Variants in ZNF496 observed in about 807,000 individuals in gnomAD.
ZNF496 encodes the protein zinc finger protein 496, also known as NSD1 (nuclear receptor binding SET-domain containing 1)-interacting zinc finger protein 1.
Under a neutral mutation model 58.9 loss-of-function variants are expected in ZNF496, and 11 were observed. The observed-to-expected ratio is 0.19, with a 90% CI of 0.12 to 0.31. The LOEUF is 0.31. Ranked by LOEUF, ZNF496 falls within the 10% of genes least tolerant of loss-of-function variation. The pLI is 1.00. For synonymous variants in ZNF496, 338 were observed against 318.2 expected (o/e 1.06, Z -0.66); for missense variants, 660 against 783.0 (o/e 0.84, Z 1.88).
Position 247,317,560 on chromosome 1 carries a change from C to CT in ZNF496, c.651+5593dup, listed in dbSNP as rs1386513399. Among the ~76,000 whole-genome samples the CT allele has an allele frequency of 2.4e-4, 34 of 140,044 alleles. 1 individual carries two copies. Among genetic ancestry groups the CT allele is most frequent in the Non-Finnish European group, 3.2e-5 (2 of 62,664 alleles). The allele number at this position is 140,044 out of a possible 152,430, so 91.9% of individuals were successfully genotyped here. On this transcript the variant is annotated intron_variant, in intron 6 of 9. Transcript: ENST00000682384. ...GAGCTGGGACCTCCATCCCTGCTAG[C>CT]TAAGAACAAGCCCCCCCCCCGCCAC...
chr1:247,303,315 T>G (rs1442816889), intron 9 of ZNF496, among the ~76,000 whole-genome samples: 1 of 152,198 alleles, frequency 6.6e-6, no homozygotes, highest in Non-Finnish European at 1.5e-5. Context: ...TCTGGAATTG[T>G]AAGAAAGTAA....
chr1:247,331,751 G>C (rs1377291834), intron 1 of ZNF496, 39 bp downstream of exon 1: 2 of 149,832 alleles, frequency 1.3e-5, no homozygotes, highest in Non-Finnish European at 3.0e-5. Context: ...GCCGAGGAGG[G>C]CGGGGCGGGG....
chr1:247,321,175 C>T (rs879924931), intron 6 of ZNF496, among the ~76,000 whole-genome samples: 1 of 150,912 alleles, frequency 6.6e-6, no homozygotes, highest in Non-Finnish European at 1.5e-5. Flanking sequence ...GACTCCATCT[C>T]GGGGGAAAAA....
chr1:247,301,378 G>C, intron 9 of ZNF496, 102 bp from the exon 10 acceptor site: 6 of 1,422,956 alleles, frequency 4.2e-6, no homozygotes, highest in Non-Finnish European at 5.6e-6. Flanking sequence ...ACAAACCCGT[G>C]TTTTTACAAT....
intron 6 of ZNF496, among the ~76,000 whole-genome samples, chr1:247,316,490 C>T (rs1011906312): frequency 2.6e-5 from 4 of 151,790 alleles, no homozygotes; most frequent in Non-Finnish European, 2.9e-5. Context: ...GAAGAGAGAC[C>T]GGAGCAAGCG....
At position 247,299,233 on chromosome 1, in the gene ZNF496, G is replaced by A. The variant is rs1308709726; in HGVS notation, c.*1286C>T. The A allele has an allele frequency of 1.3e-5, 2 of 152,218 alleles. No individual in the cohort carries two copies. The highest frequency in any genetic ancestry group is 2.4e-5 in the African/African-American group (1 of 41,450). The allele number at this position is 152,218 out of a possible 1,614,324, so 9.4% of individuals were successfully genotyped here. A position where few individuals can be genotyped will look rare whatever the true frequency, so the allele number is the denominator to read the frequency against. On this transcript the variant is annotated 3_prime_UTR_variant, in exon 10 of 10. Coordinates refer to ENST00000682384, the MANE Select transcript of ZNF496 (RefSeq NM_032752.3). ...CTGCGGATACAGATGAGGTTATACT[G>A]GAGTCGGTGGGATGGGCTCTAATCC...
rs527703760 is a variant in ZNF496 at position 247,309,568 on chromosome 1, C to A, written c.892+131G>T. The A allele has an allele frequency of 7.6e-6, 11 of 1,456,602 alleles. No homozygotes were observed. In the East Asian group the frequency reaches 2.7e-4, roughly 36 times the overall value. The allele number at this position is 1,456,602 out of a possible 1,614,324, so 90.2% of individuals were successfully genotyped here. A position where few individuals can be genotyped will look rare whatever the true frequency, so the allele number is the denominator to read the frequency against. Reference sequence around the variant, plus strand: ...CAGGGACAAGGCAAGACATGCAAGACCCACATAGAGTCTGGGGAAATGAAG... The same window carrying A: ...CAGGGACAAGGCAAGACATGCAAGAACCACATAGAGTCTGGGGAAATGAAG... On this transcript the variant is annotated intron_variant, in intron 8 of 9. Transcript: ENST00000682384. This position sits in a 1 kb window ranked among gnomAD's most constrained non-coding sequence, Gnocchi z 4.3.
intron 6 of ZNF496, chr1:247,311,780 T>A (rs1572079331): frequency 6.6e-6 from 1 of 152,150 alleles, no homozygotes; most frequent in Non-Finnish European, 1.5e-5. Context: ...CTTGAGGTGG[T>A]TCTCTGCAGT....
intron 6 of ZNF496, among the ~76,000 whole-genome samples, chr1:247,317,142 AC>A (rs1230359192): frequency 5.3e-5 from 8 of 152,202 alleles, no homozygotes; most frequent in Non-Finnish European, 1.2e-4. Flanking sequence ...AAAACCCTGG[AC>A]ATTGCATATA....
chr1:247,307,834 T>C (rs1659465076), intron 9 of ZNF496: 2 of 985,256 alleles, frequency 2.0e-6, no homozygotes, highest in South Asian at 4.7e-5. Context: ...AAGAGAAAGA[T>C]GGCAGTATTG....
chr1:247,323,281 G>A (rs1468802684), intron 5 of ZNF496, 51 bp from the exon 6 acceptor site: 1 of 1,413,130 alleles, frequency 7.1e-7, no homozygotes, highest in Non-Finnish European at 1.0e-6. Flanking sequence ...GCCAGGCCTG[G>A]TGCTGATACC....
chr1:247,328,615 A>C, intron 5 of ZNF496, 68 bp downstream of exon 5: 1 of 1,419,864 alleles, frequency 7.0e-7, no homozygotes, highest in Non-Finnish European at 9.3e-7. Flanking sequence ...CAAAAACCAC[A>C]CCCAGTGCAC....
At chr1:247,302,781 G>A (rs1659289414) in intron 9 of ZNF496, among the ~76,000 whole-genome samples, 1 of 152,220 alleles carries the variant, frequency 6.6e-6, no homozygotes, top group African/African-American at 2.4e-5. Context: ...CTAAGCTGCT[G>A]GTGGGGCAGG....
chr1:247,305,602 G>A (rs1194599966), intron 9 of ZNF496, among the ~76,000 whole-genome samples: 1 of 152,236 alleles, frequency 6.6e-6, no homozygotes, highest in Admixed American at 6.5e-5. Flanking sequence ...CTTCCTGCGA[G>A]CTGAGGGGAT....
In ZNF496 at chr1:247,298,419, C is replaced by G. The variant is rs1348924897; in HGVS notation, c.*2100G>C. 6.6e-6 allele frequency: 1 copy of G among 152,252 alleles called. No individual in the cohort carries two copies. Among genetic ancestry groups the G allele is most frequent in the East Asian group, 1.9e-4 (1 of 5,184 alleles). 9.4% of individuals were successfully genotyped at this position (152,252 alleles called of 1,614,324 possible). A position where few individuals can be genotyped will look rare whatever the true frequency, so the allele number is the denominator to read the frequency against. On this transcript the variant is annotated 3_prime_UTR_variant, in exon 10 of 10. Coordinates refer to ENST00000682384, the MANE Select transcript of ZNF496 (RefSeq NM_032752.3). The stretch of plus-strand genomic sequence containing the variant: ...TACTGCAACTTCTGCCTCCCAGACT[C>G]AAGCAATCCTCCCACCTCAGCCTCC...
rs536389312 is a variant in ZNF496, at chr1:247,298,082, A to G, written c.*2437T>C. 3.3e-5 allele frequency: 5 copies of G among 152,224 alleles called. No homozygotes were observed. Among genetic ancestry groups the G allele is most frequent in the Admixed American group, 6.5e-5 (1 of 15,282 alleles). 9.4% of individuals were successfully genotyped at this position (152,224 alleles called of 1,614,324 possible). On this transcript the variant is annotated 3_prime_UTR_variant, in exon 10 of 10. Transcript: ENST00000682384. Reference sequence around the variant, plus strand: ...ACAGGTAGGTGGGGTAAACGTGTACAGAGAGCCTGGCTTCTACTTGGAATT... The same window carrying G: ...ACAGGTAGGTGGGGTAAACGTGTACGGAGAGCCTGGCTTCTACTTGGAATT...
chr1:247,303,195 A>G (rs1659302318), intron 9 of ZNF496, among the ~76,000 whole-genome samples: 1 of 152,240 alleles, frequency 6.6e-6, no homozygotes, highest in Admixed American at 6.5e-5. Flanking sequence ...GCAGACTTCA[A>G]CAGAGGGAAG....
chr1:247,326,858 C>T (rs1480283749), intron 5 of ZNF496, among the ~76,000 whole-genome samples: 1 of 152,076 alleles, frequency 6.6e-6, no homozygotes, highest in Non-Finnish European at 1.5e-5. Flanking sequence ...CATAAAGAGA[C>T]CCAGAGAGAG....
chr1:247,318,648 T>C (rs1236627780), intron 6 of ZNF496, among the ~76,000 whole-genome samples: 1 of 152,026 alleles, frequency 6.6e-6, no homozygotes, highest in Non-Finnish European at 1.5e-5. Context: ...AAAACATCCT[T>C]CAGGAATGAT....
Sources: gnomAD v4.1 joint callset for allele counts (sites outside exome capture counted in the v4.1 genomes callset) on GRCh38, gnomAD v4.1.1 for gene constraint, Gnocchi (gnomAD v3.1) non-coding constraint, MANE v1.5 for transcripts, NCBI Gene and HGNC (gene_info 2026-07-23, HGNC 2026-07-21) for gene names.